Variants in GSE1 observed in about 807,000 individuals in gnomAD.
GSE1 encodes genetic suppressor element 1.
A neutral mutation model predicts 112.6 loss-of-function variants in GSE1; 32 were observed. The observed-to-expected ratio is 0.28, with a 90% confidence interval of 0.21 to 0.38. The LOEUF is 0.38. GSE1 is among the 10% of genes least tolerant of loss of function. GSE1 has a pLI of 1.00. For synonymous variants in GSE1, 1,115 were observed against 735.6 expected, an observed-to-expected ratio of 1.52 and a Z score of -8.35; for missense variants, 2,348 against 1,699.2, an observed-to-expected ratio of 1.38 and a Z score of -6.71.
chr16:85,226,826 C>T (rs553891486), intron 1 of GSE1, among the ~76,000 whole-genome samples: 16 of 141,128 alleles, frequency 1.1e-4, no homozygotes, highest in Non-Finnish European at 1.8e-4. Flanking sequence ...TGAAGGAGGA[C>T]GAAGGAGCTA....
chr16:85,454,815 C>G (rs1299059179), intron 2 of GSE1, among the ~76,000 whole-genome samples: 1 of 152,138 alleles, frequency 6.6e-6, no homozygotes, highest in Non-Finnish European at 1.5e-5. Context: ...TTCTCTGTTT[C>G]TTAGAACGGC....
intron 1 of GSE1, among the ~76,000 whole-genome samples, chr16:85,323,153 G>A (rs1280546061): frequency 6.6e-6 from 1 of 152,170 alleles, no homozygotes; most frequent in African/African-American, 2.4e-5. Context: ...AGACGTGAGA[G>A]GCAATTTCAG....
chr16:85,611,431 G>T (rs1023911106), upstream of GSE1: 1 of 982,874 alleles, frequency 1.0e-6, no homozygotes, highest in African/African-American at 1.7e-5. Flanking sequence ...GTAAATTATA[G>T]CGTCCGGCCA....
At chr16:85,312,205 G>GGGA (rs2045870930) in intron 1 of GSE1, among the ~76,000 whole-genome samples, 3 of 72,928 alleles carry the variant, frequency 4.1e-5, no homozygotes, top group Non-Finnish European at 7.8e-5. Context: ...ATCCTCTTGC[G>GGGA]GGGGGGGGGG....
intron 1 of GSE1, among the ~76,000 whole-genome samples, chr16:85,583,049 C>G (rs1271670482): frequency 6.6e-6 from 1 of 152,150 alleles, no homozygotes; most frequent in Non-Finnish European, 1.5e-5. Context: ...GCCACTCATT[C>G]CTCCCCGCAG....
At chr16:85,581,036 C>T (rs946590267) in intron 1 of GSE1, among the ~76,000 whole-genome samples, 8 of 152,206 alleles carry the variant, frequency 5.3e-5, no homozygotes, top group Non-Finnish European at 1.2e-4. Flanking sequence ...AGCTCTTGCC[C>T]TGCTGGACAT....
intron 1 of GSE1, among the ~76,000 whole-genome samples, chr16:85,337,542 T>G (rs1471847856): frequency 6.6e-6 from 1 of 152,084 alleles, no homozygotes; most frequent in Non-Finnish European, 1.5e-5. Flanking sequence ...CCTGACCTCG[T>G]GATCCGCCCG....
intron 2 of GSE1, among the ~76,000 whole-genome samples, chr16:85,392,342 C>T (rs1221093763): frequency 6.6e-6 from 1 of 152,142 alleles, no homozygotes; most frequent in Non-Finnish European, 1.5e-5. Context: ...ACAACAAATA[C>T]CTTTTAGTAT....
chr16:85,374,476 A>G (rs184414696), intron 2 of GSE1, among the ~76,000 whole-genome samples: 13 of 144,150 alleles, frequency 9.0e-5, no homozygotes, highest in Admixed American at 6.8e-4. Flanking sequence ...CACATGTATG[A>G]TTGTGTGTGG....
At chr16:85,399,292 A>G (rs1190813860) in intron 2 of GSE1, among the ~76,000 whole-genome samples, 1 of 152,204 alleles carries the variant, frequency 6.6e-6, no homozygotes, top group African/African-American at 2.4e-5. Flanking sequence ...CCCCCAGCAC[A>G]GAGTCCTCTC....
chr16:85,538,210 G>A (rs926105383), intron 2 of GSE1, among the ~76,000 whole-genome samples: 2 of 152,168 alleles, frequency 1.3e-5, no homozygotes, highest in African/African-American at 2.4e-5. Context: ...CGGCTGGCCC[G>A]CCAGCAATGG....
chr16:85,426,142 G>T (rs565702325), intron 2 of GSE1, among the ~76,000 whole-genome samples: 44 of 150,896 alleles, frequency 2.9e-4, no homozygotes, highest in Non-Finnish European at 4.7e-4. Flanking sequence ...TGTATGTATG[G>T]ATGGATGAAT....
At chr16:85,539,010 C>T (rs1373672855) in intron 2 of GSE1, among the ~76,000 whole-genome samples, 1 of 152,212 alleles carries the variant, frequency 6.6e-6, no homozygotes, top group Non-Finnish European at 1.5e-5. Flanking sequence ...CCTGGGTGCT[C>T]TTCAAGGCCG....
At chr16:85,554,778 G>C (rs775079959), upstream of GSE1, 89 of 642,664 alleles carry the variant, frequency 1.4e-4, 1 homozygote, top group Middle Eastern at 1.6e-3. Flanking sequence ...TCAGTCGTGG[G>C]GGGGGAGGGA....
At chr16:85,396,103 T>A (rs946446475) in intron 2 of GSE1, among the ~76,000 whole-genome samples, 1 of 152,334 alleles carries the variant, frequency 6.6e-6, no homozygotes, top group South Asian at 2.1e-4. Flanking sequence ...GTTTCCAGCC[T>A]CAGTCTGTCC....
chr16:85,364,978 C>T (rs1014890640), intron 2 of GSE1, among the ~76,000 whole-genome samples: 1 of 152,248 alleles, frequency 6.6e-6, no homozygotes, highest in African/African-American at 2.4e-5. Context: ...GAGGCAGCCC[C>T]TGGCTGTCTT....
At chr16:85,372,486 C>CAAAAAAAAAAAAAAA (rs3030350) in intron 2 of GSE1, among the ~76,000 whole-genome samples, 2 of 87,558 alleles carry the variant, frequency 2.3e-5, no homozygotes, top group Non-Finnish European at 2.2e-5. Flanking sequence ...CTCTGTCTCA[C>CAAAAAAAAAAAAAAA]AAAAAAAAAA....
rs140257444 is a variant in GSE1 at position 85,325,685 on chromosome 16, C to T, written c.2284-31778C>T. On this transcript the variant is annotated intron_variant, in intron 1 of 2. Transcript: ENST00000637419. ...CATGCTAGTCTCAAACTCCTGACCT[C>T]GGGTGATCCACCTGCCTTAGCCTCC... 4.7e-3 allele frequency among the ~76,000 whole-genome samples: 721 copies of T among 152,028 alleles called. 6 individuals are homozygous for T. The highest frequency in any genetic ancestry group is 7.3e-3 in the South Asian group (35 of 4,818).
At chr16:85,619,314 C>G (rs990609561) in intron 1 of GSE1, among the ~76,000 whole-genome samples, 1 of 152,062 alleles carries the variant, frequency 6.6e-6, no homozygotes, top group African/African-American at 2.4e-5. Context: ...TGAAGGGTAT[C>G]GACCGCCCAG....
Sources: allele counts gnomAD v4.1 joint callset (sites outside exome capture counted in the v4.1 genomes callset), GRCh38; gene constraint gnomAD v4.1.1; transcripts MANE v1.5; gene names NCBI Gene and HGNC (gene_info 2026-07-23, HGNC 2026-07-21).